The following SENP2 variants were observed in gnomAD, a reference collection of about 807,000 sequenced individuals.
SENP2 encodes SUMO specific peptidase 2, also known as sentrin-specific protease 2.
In SENP2, 16 loss-of-function variants were observed where a neutral mutation model predicts 86.3. That is an observed-to-expected ratio of 0.19 (90% CI 0.13 to 0.28). SENP2 has a LOEUF of 0.28. SENP2 is among the 10% of genes least tolerant of loss of function. The probability of loss-of-function intolerance (pLI) is 1.00; values close to 1 mark genes in which losing one functional copy is unlikely to be tolerated. For missense variants in SENP2, 552 were observed against 703.0 expected (o/e 0.79, Z 2.43); for synonymous variants, 222 against 238.7 (o/e 0.93, Z 0.64).
In SENP2 at chr3:185,609,494, A is replaced by AGTAATGGATAATATGTAACAGT. The variant is rs1722616558; in HGVS notation, c.722+146_722+167dup. The AGTAATGGATAATATGTAACAGT allele has an allele frequency of 1.0e-5, 6 of 597,186 alleles. No individual in the cohort carries two copies. In the East Asian group the frequency reaches 1.7e-4, roughly 17 times the overall value. The allele number at this position is 597,186 out of a possible 1,614,324, so 37.0% of individuals were successfully genotyped here. On this transcript the variant is annotated intron_variant, in intron 7 of 16. Coordinates refer to ENST00000296257, the MANE Select transcript of SENP2 (RefSeq NM_021627.3). ...CTGTCATTTGCCTGGATATTTATCT[A>AGTAATGGATAATATGTAACAGT]GTAATGGATAATATGTAACAGTGGT... is the stretch of plus-strand genomic sequence containing the variant.
chr3:185,613,827 C>CAAA (rs58192571), intron 10 of SENP2, among the ~76,000 whole-genome samples: 9 of 48,574 alleles, frequency 1.9e-4, no homozygotes, highest in African/African-American at 5.2e-4. Flanking sequence ...GACTCTGTCT[C>CAAA]AAAAAAAAAA....
rs1017449261 is a variant in SENP2, at chr3:185,631,082, G to C, written c.*1238G>C. The C allele has an allele frequency of 7.2e-5, 11 of 151,962 alleles. No homozygotes were observed. The highest frequency in any genetic ancestry group is 2.7e-4 in the African/African-American group (11 of 41,250). The allele number at this position is 151,962 out of a possible 1,614,324, so 9.4% of individuals were successfully genotyped here. On this transcript the variant is annotated 3_prime_UTR_variant, in exon 17 of 17. Coordinates refer to ENST00000296257, the MANE Select transcript of SENP2 (RefSeq NM_021627.3). Reference sequence around the variant, plus strand: ...TGCTTTTCTGATGTAATAAAAGGTGGTCTGGCAGAACCTAAAAAAGTATAT... The same window carrying C: ...TGCTTTTCTGATGTAATAAAAGGTGCTCTGGCAGAACCTAAAAAAGTATAT...
chr3:185,588,050 ATT>A (rs1196425963), intron 1 of SENP2, among the ~76,000 whole-genome samples: 19 of 64,784 alleles, frequency 2.9e-4, no homozygotes, highest in African/African-American at 1.2e-3. Context: ...CTACCGGCTA[ATT>A]TTTTTTTTTT....
At chr3:185,597,256 T>C (rs1207611093) in intron 2 of SENP2, among the ~76,000 whole-genome samples, 1 of 152,202 alleles carries the variant, frequency 6.6e-6, no homozygotes, top group Non-Finnish European at 1.5e-5. Flanking sequence ...GCTAAAGTGA[T>C]GGTTTTATGT....
chr3:185,589,033 A>G (rs1375348329), intron 1 of SENP2, among the ~76,000 whole-genome samples: 2 of 152,188 alleles, frequency 1.3e-5, no homozygotes, highest in African/African-American at 4.8e-5. Flanking sequence ...GGAATGTATA[A>G]AGTTATGAGC....
chr3:185,598,119 C>T (rs968632761), intron 2 of SENP2, among the ~76,000 whole-genome samples: 1 of 152,058 alleles, frequency 6.6e-6, no homozygotes, highest in Non-Finnish European at 1.5e-5. Flanking sequence ...CTCAGGTGAT[C>T]CTCCCACCTC....
intron 2 of SENP2, among the ~76,000 whole-genome samples, chr3:185,593,393 C>T (rs955776692): frequency 2.0e-5 from 3 of 152,130 alleles, no homozygotes; most frequent in East Asian, 3.8e-4. Context: ...GGATTACAGG[C>T]GTGAACCACC....
intron 13 of SENP2, among the ~76,000 whole-genome samples, chr3:185,619,760 C>A (rs1353017255): frequency 6.6e-6 from 1 of 151,930 alleles, no homozygotes; most frequent in Admixed American, 6.6e-5. Flanking sequence ...CCAGGTCTCG[C>A]TCTGTTGCCC....
chr3:185,589,014 G>T (rs1303641850), intron 1 of SENP2, among the ~76,000 whole-genome samples: 2 of 152,032 alleles, frequency 1.3e-5, no homozygotes, highest in African/African-American at 4.8e-5. Flanking sequence ...AAGCCCGGCA[G>T]GGCTTGTTGG....
chr3:185,611,399 A>G (rs1722682512), intron 7 of SENP2: 1 of 356,242 alleles, frequency 2.8e-6, no homozygotes, highest in African/African-American at 2.1e-5. Flanking sequence ...TTAGTGCATC[A>G]CTGGGGATTC....
intron 2 of SENP2, among the ~76,000 whole-genome samples, chr3:185,594,897 G>A (rs1722127697): frequency 6.6e-6 from 1 of 151,698 alleles, no homozygotes; most frequent in Admixed American, 6.6e-5. Flanking sequence ...GCTAATTTTT[G>A]TATTTTAGTA....
intron 15 of SENP2, among the ~76,000 whole-genome samples, chr3:185,624,395 T>A (rs1712044388): frequency 6.6e-6 from 1 of 152,190 alleles, no homozygotes; most frequent in Non-Finnish European, 1.5e-5. Flanking sequence ...AGCTTTCATC[T>A]TCTTGTCTAA....
intron 15 of SENP2, among the ~76,000 whole-genome samples, chr3:185,625,237 G>A (rs1712088801): frequency 2.0e-5 from 3 of 151,510 alleles, no homozygotes; most frequent in South Asian, 4.2e-4. Flanking sequence ...TCAGCCTCCC[G>A]AGTAGCTGGG....
At chr3:185,601,217 G>A (rs1276288321) in intron 5 of SENP2, among the ~76,000 whole-genome samples, 1 of 151,688 alleles carries the variant, frequency 6.6e-6, no homozygotes, top group African/African-American at 2.4e-5. Context: ...GCTAATTTTT[G>A]TATTTTTAGT....
Position 185,614,725 on chromosome 3 carries a change from CCTT to C in SENP2, c.1096_1098del (p.Leu366del). 2.5e-6 allele frequency: 4 copies of C among 1,614,018 alleles called. No homozygotes were observed. Among genetic ancestry groups the C allele is most frequent in the Non-Finnish European group, 3.4e-6 (4 of 1,179,980 alleles). ...AGAGGGACAGAAGAACGGACGATCT[CCTT>C]GAACTTACAGAGGTATTGTTCTTTG... On this transcript the variant is annotated inframe_deletion, in exon 11 of 17. Coordinates refer to ENST00000296257, the MANE Select transcript of SENP2 (RefSeq NM_021627.3).
At chr3:185,604,854 C>T (rs922530004) in intron 5 of SENP2, among the ~76,000 whole-genome samples, 10 of 151,318 alleles carry the variant, frequency 6.6e-5, no homozygotes, top group South Asian at 6.3e-4. Flanking sequence ...CTCCTGGGTT[C>T]GAGCAATTCT....
intron 16 of SENP2, among the ~76,000 whole-genome samples, chr3:185,627,075 C>A (rs542906253): frequency 5.1e-4 from 70 of 137,958 alleles, no homozygotes; most frequent in African/African-American, 1.8e-3. Flanking sequence ...AGGAGAGAAA[C>A]CCTGTCTCAA....
intron 6 of SENP2, among the ~76,000 whole-genome samples, chr3:185,607,169 A>G (rs1198412786): frequency 6.6e-6 from 1 of 151,752 alleles, no homozygotes; most frequent in African/African-American, 2.4e-5. Flanking sequence ...TTCCACCACC[A>G]TGTTTACTTC....
intron 3 of SENP2, 112 bp downstream of exon 3, chr3:185,598,657 A>G: frequency 9.1e-7 from 1 of 1,103,934 alleles, no homozygotes; most frequent in South Asian, 1.7e-5. Flanking sequence ...TTCCAGAAAT[A>G]TCTGTATCTT....
Sources: gnomAD v4.1 joint callset for allele counts (sites outside exome capture counted in the v4.1 genomes callset) on GRCh38, gnomAD v4.1.1 for gene constraint, MANE v1.5 for transcripts, NCBI Gene and HGNC (gene_info 2026-07-23, HGNC 2026-07-21) for gene names.